LNPEP: variants seen among roughly 807,000 people sequenced by gnomAD.
LNPEP encodes leucyl and cystinyl aminopeptidase, also known as leucyl-cystinyl aminopeptidase.
In LNPEP, 64 loss-of-function variants were observed where a neutral mutation model predicts 120.6. The ratio of observed to expected loss-of-function variants is 0.53; its 90% CI spans 0.43 to 0.65. The LOEUF is 0.65. Among genes scored for constraint, LNPEP ranks in the 30% least tolerant of loss-of-function variants. The pLI is 0.00. For synonymous variants in LNPEP, 435 were observed against 425.4 expected, an observed-to-expected ratio of 1.02 and a Z score of -0.28; for missense variants, 1,057 against 1,200.0, an observed-to-expected ratio of 0.88 and a Z score of 1.76.
intron 1 of LNPEP, among the ~76,000 whole-genome samples, chr5:96,960,443 A>G (rs1421929459): frequency 6.6e-6 from 1 of 152,366 alleles, no homozygotes; most frequent in East Asian, 1.9e-4. Flanking sequence ...AACACATGCA[A>G]TATGAATTGC....
chr5:96,969,945 T>C (rs1337294817), intron 1 of LNPEP, among the ~76,000 whole-genome samples: 1 of 151,832 alleles, frequency 6.6e-6, no homozygotes, highest in South Asian at 2.1e-4. Context: ...CTTTGACTTA[T>C]GGATTACTTA....
chr5:96,965,921 T>C (rs1362632604), intron 1 of LNPEP, among the ~76,000 whole-genome samples: 1 of 152,144 alleles, frequency 6.6e-6, no homozygotes, highest in African/African-American at 2.4e-5. Flanking sequence ...ATTTATTTGG[T>C]CCTGTCCTTG....
At chr5:96,997,891 G>A (rs1790553366) in intron 7 of LNPEP, 123 bp from the exon 8 acceptor site, 2 of 619,986 alleles carry the variant, frequency 3.2e-6, no homozygotes, top group South Asian at 2.4e-5. Flanking sequence ...CTGAAGTTTA[G>A]TGACACTGGT....
At chr5:96,985,758 GTT>G (rs535139069) in intron 3 of LNPEP, among the ~76,000 whole-genome samples, 8 of 139,236 alleles carry the variant, frequency 5.7e-5, no homozygotes, top group Admixed American at 1.4e-4. Context: ...GTCTTTTTTT[GTT>G]TTTTTTTTTT....
Position 97,033,562 on chromosome 5 carries a change from G to A in LNPEP, c.*5029G>A, listed in dbSNP as rs1791513607. 6.6e-6 allele frequency: 1 copy of A among 152,136 alleles called. No homozygotes were observed. The highest frequency in any genetic ancestry group is 1.5e-5 in the Non-Finnish European group (1 of 68,006). 9.4% of individuals were successfully genotyped at this position (152,136 alleles called of 1,614,324 possible). The stretch of plus-strand genomic sequence containing the variant: ...AGGTAAGAGTATATACTTTAAACAT[G>A]TATATAAATGTTTTTGCTACTTTTC... On this transcript the variant is annotated 3_prime_UTR_variant, in exon 18 of 18. Transcript: ENST00000231368.
At chr5:96,952,194 A>C (rs990266606) in intron 1 of LNPEP, among the ~76,000 whole-genome samples, 1 of 152,154 alleles carries the variant, frequency 6.6e-6, no homozygotes, top group African/African-American at 2.4e-5. Context: ...GAGATGCATT[A>C]TTTTTCATTT....
intron 1 of LNPEP, among the ~76,000 whole-genome samples, chr5:96,956,717 A>G (rs993558819): frequency 4.0e-5 from 6 of 151,810 alleles, no homozygotes; most frequent in Admixed American, 6.6e-5. Flanking sequence ...TCTTCAGATA[A>G]TTTTTCTGCC....
chr5:97,012,376 A>T lies in LNPEP; in HGVS notation c.2036-1272A>T, dbSNP rs543642376. Among the ~76,000 whole-genome samples, 56 of 152,308 alleles carry T rather than the reference A, an allele frequency of 3.7e-4. 1 individual carries two copies. Among genetic ancestry groups the T allele is most frequent in the Middle Eastern group, 3.4e-3 (1 of 294 alleles). On this transcript the variant is annotated intron_variant, in intron 11 of 17. Coordinates refer to ENST00000231368, the MANE Select transcript of LNPEP (RefSeq NM_005575.3). ...ACTCTTCTTTTTCTTACAATTAAAAATTTTTTTAAGTATTTGTTACTTTAA... is the reference window on the plus strand; with the variant it reads ...ACTCTTCTTTTTCTTACAATTAAAATTTTTTTTAAGTATTTGTTACTTTAA...
intron 11 of LNPEP, among the ~76,000 whole-genome samples, chr5:97,008,263 AT>A (rs1244949787): frequency 2.6e-5 from 4 of 151,066 alleles, no homozygotes; most frequent in African/African-American, 9.7e-5. Context: ...ATTAGAAATA[AT>A]TGGGCAATAA....
chr5:97,012,367 C>G (rs964180113), intron 11 of LNPEP, among the ~76,000 whole-genome samples: 2 of 151,984 alleles, frequency 1.3e-5, no homozygotes, highest in Non-Finnish European at 2.9e-5. Flanking sequence ...CTTTTTCTTA[C>G]AATTAAAAAT....
intron 4 of LNPEP, among the ~76,000 whole-genome samples, chr5:96,986,901 AT>A (rs1026035646): frequency 2.6e-5 from 4 of 152,218 alleles, no homozygotes; most frequent in African/African-American, 9.6e-5. Context: ...TTTAAAGAGA[AT>A]TTTAGTAAGA....
intron 1 of LNPEP, among the ~76,000 whole-genome samples, chr5:96,962,154 G>C (rs1375501423): frequency 1.3e-5 from 2 of 152,138 alleles, no homozygotes; most frequent in Non-Finnish European, 2.9e-5. Flanking sequence ...GTGGCTCTGT[G>C]ACCCCCCAGC....
At chr5:96,992,127 G>A (rs576348523) in intron 4 of LNPEP, among the ~76,000 whole-genome samples, 212 of 152,052 alleles carry the variant, frequency 1.4e-3, no homozygotes, top group African/African-American at 4.8e-3. Flanking sequence ...ATAGTTTGTC[G>A]CATCATATAT....
chr5:96,938,666 T>C (rs959602436), intron 1 of LNPEP, among the ~76,000 whole-genome samples: 6 of 152,216 alleles, frequency 3.9e-5, no homozygotes, highest in Non-Finnish European at 8.8e-5. Context: ...GTTCATTTGA[T>C]GAATATCCTA....
intron 9 of LNPEP, among the ~76,000 whole-genome samples, chr5:97,004,445 G>C (rs1191678149): frequency 2.0e-5 from 3 of 151,656 alleles, no homozygotes; most frequent in Admixed American, 6.6e-5. Context: ...CTGGTAAGCA[G>C]AGGTTGCAGT....
intron 1 of LNPEP, among the ~76,000 whole-genome samples, chr5:96,970,414 T>G (rs1789832542): frequency 6.6e-6 from 1 of 152,046 alleles, no homozygotes; most frequent in Admixed American, 6.6e-5. Context: ...GTTAATCTAT[T>G]TGTGTCTAAA....
At chr5:96,940,892 C>T (rs1307921534) in intron 1 of LNPEP, among the ~76,000 whole-genome samples, 4 of 152,004 alleles carry the variant, frequency 2.6e-5, no homozygotes, top group South Asian at 2.1e-4. Flanking sequence ...GGACCACAGT[C>T]GGGGGGATGT....
chr5:97,028,561 C>G lies in LNPEP; in HGVS notation c.*28C>G, dbSNP rs759706796. 1.9e-6 allele frequency: 3 copies of G among 1,610,208 alleles called. No homozygotes were observed. In the Admixed American group the frequency reaches 5.0e-5, roughly 27 times the overall value. ...TGCACAACCGCACCTCATTTTGTTG[C>G]CCATTCAGAGAGCTTGTAAGCTTGG... On this transcript the variant is annotated 3_prime_UTR_variant, in exon 18 of 18. Coordinates refer to ENST00000231368, the MANE Select transcript of LNPEP (RefSeq NM_005575.3).
At chr5:96,941,296 T>TTTGCC (rs1475368999) in intron 1 of LNPEP, among the ~76,000 whole-genome samples, 1 of 152,148 alleles carries the variant, frequency 6.6e-6, no homozygotes, top group East Asian at 1.9e-4. Flanking sequence ...GCTTCACTTG[T>TTTGCC]TTGCCTGCTG....
Sources: allele counts gnomAD v4.1 joint callset (sites outside exome capture counted in the v4.1 genomes callset), GRCh38; gene constraint gnomAD v4.1.1; transcripts MANE v1.5; gene names NCBI Gene and HGNC (gene_info 2026-07-23, HGNC 2026-07-21).